Variants in KSR2 observed in about 807,000 individuals in gnomAD.
The protein encoded by KSR2 is kinase suppressor of ras 2.
A neutral mutation model predicts 107.8 loss-of-function variants in KSR2; 25 were observed. The observed-to-expected ratio is 0.23, with a 90% CI of 0.17 to 0.32. The LOEUF is 0.32. KSR2 is among the 10% of genes least tolerant of loss of function. The pLI is 1.00. For synonymous variants in KSR2, 480 were observed against 507.0 expected (o/e 0.95, Z 0.71); for missense variants, 887 against 1,268.9 (o/e 0.70, Z 4.57).
rs749908572 is a variant in KSR2, at chr12:117,968,197, G to C, written c.59C>G (p.Ala20Gly). ...EEQQPLSLQK[A>G]LQQCELVQNM... ...TTGGACCAGTTCGCACTGCTGTAAG[G>C]CTTTTTGCAAACTCAGAGGCTGCTG... Residue 20 changes from alanine (A) to glycine (G), a missense_variant, in exon 1 of 20, where the codon GCC becomes GGC. Coordinates refer to ENST00000339824, the MANE Select transcript of KSR2 (RefSeq NM_173598.6). The C allele has an allele frequency of 6.2e-7, 1 of 1,604,862 alleles. No homozygotes were observed.
At chr12:117,839,829 A>G (rs1482411125) in intron 3 of KSR2, among the ~76,000 whole-genome samples, 1 of 152,228 alleles carries the variant, frequency 6.6e-6, no homozygotes, top group African/African-American at 2.4e-5. Context: ...CTGGGAGGTC[A>G]GAGCATCCTG....
At chr12:117,527,739 C>A (rs1449274127) in intron 12 of KSR2, among the ~76,000 whole-genome samples, 1 of 152,120 alleles carries the variant, frequency 6.6e-6, no homozygotes, top group Non-Finnish European at 1.5e-5. Context: ...GGAACTAAAG[C>A]CAGTATGTAG....
rs150312418 is a variant in KSR2 at position 117,710,595 on chromosome 12, C to T, written c.987-42937G>A. Among the ~76,000 whole-genome samples, 30 of 152,184 alleles carry T rather than the reference C, an allele frequency of 2.0e-4. No individual in the cohort carries two copies. In the East Asian group the frequency reaches 3.7e-3, roughly 19 times the overall value. Reference sequence around the variant, plus strand: ...AAATCTGAGCTTCACCTCTGCCAGCCGTATGGGTGGGGTTTTGGGCATGCA... The same window carrying T: ...AAATCTGAGCTTCACCTCTGCCAGCTGTATGGGTGGGGTTTTGGGCATGCA... On this transcript the variant is annotated intron_variant, in intron 4 of 19. Transcript: ENST00000339824.
At chr12:117,941,550 G>C (rs982830760) in intron 1 of KSR2, among the ~76,000 whole-genome samples, 2 of 144,446 alleles carry the variant, frequency 1.4e-5, no homozygotes, top group African/African-American at 5.1e-5. Flanking sequence ...TTAAGTTTCA[G>C]ATTTATTTGA....
intron 1 of KSR2, among the ~76,000 whole-genome samples, chr12:117,950,848 T>G (rs1022394405): frequency 6.6e-6 from 1 of 151,668 alleles, no homozygotes. Context: ...TCTCCTGGTA[T>G]AAGCTATTAG....
intron 14 of KSR2, among the ~76,000 whole-genome samples, chr12:117,514,935 A>C: frequency 6.6e-6 from 1 of 151,438 alleles, no homozygotes. Flanking sequence ...GCTACCTCCT[A>C]CCTCTAAGCC....
intron 7 of KSR2, among the ~76,000 whole-genome samples, chr12:117,576,199 C>T (rs1486680183): frequency 1.3e-5 from 2 of 152,164 alleles, no homozygotes; most frequent in African/African-American, 4.8e-5. Flanking sequence ...CAGCTACATC[C>T]CTGTCATCTA....
intron 1 of KSR2, among the ~76,000 whole-genome samples, chr12:117,874,446 T>C (rs1422951058): frequency 6.6e-6 from 1 of 152,114 alleles, no homozygotes; most frequent in African/African-American, 2.4e-5. Context: ...TTGCCCAGGC[T>C]GGCCTCAAAC....
chr12:117,836,602 G>A (rs142223027), intron 3 of KSR2, among the ~76,000 whole-genome samples: 668 of 152,298 alleles, frequency 4.4e-3, no homozygotes, highest in Non-Finnish European at 6.7e-3. Flanking sequence ...CGTGGCCCAG[G>A]CAGGACTCAC....
intron 9 of KSR2, among the ~76,000 whole-genome samples, chr12:117,543,869 A>G (rs79213109): frequency 0.03 from 4,519 of 152,254 alleles, 222 homozygotes; most frequent in African/African-American, 0.1. Flanking sequence ...CCTTCTGGTG[A>G]TGGCCAGCAA....
chr12:117,521,868 C>T (rs143677156), intron 14 of KSR2, among the ~76,000 whole-genome samples: 23 of 152,264 alleles, frequency 1.5e-4, no homozygotes, highest in African/African-American at 5.3e-4. Context: ...TCAAACTGAA[C>T]GTGCAGATAA....
At chr12:117,555,132 C>CCCCACATG (rs1385589294) in intron 9 of KSR2, 37 bp downstream of exon 9, 1 of 1,612,854 alleles carries the variant, frequency 6.2e-7, no homozygotes, top group African/African-American at 1.3e-5. Context: ...GCAGTGCCAG[C>CCCCACATG]CCCACATGCC....
chr12:117,846,644 G>A (rs1469198323), intron 3 of KSR2, among the ~76,000 whole-genome samples: 2 of 152,134 alleles, frequency 1.3e-5, no homozygotes, highest in Non-Finnish European at 2.9e-5. Context: ...ACATATTCTA[G>A]AGCAGCACTG....
chr12:117,509,411 GAA>G (rs1201852626), intron 14 of KSR2, among the ~76,000 whole-genome samples: 1 of 152,154 alleles, frequency 6.6e-6, no homozygotes, highest in East Asian at 1.9e-4. Context: ...ACCAAGGCTG[GAA>G]AAGGGACCGA....
chr12:117,825,289 G>A (rs1490045046), intron 3 of KSR2, among the ~76,000 whole-genome samples: 1 of 152,148 alleles, frequency 6.6e-6, no homozygotes, highest in Non-Finnish European at 1.5e-5. Context: ...TGGGTCCGTG[G>A]ATGGGTGTGT....
intron 1 of KSR2, among the ~76,000 whole-genome samples, chr12:117,886,989 T>C (rs888361929): frequency 5.9e-5 from 9 of 152,300 alleles, no homozygotes; most frequent in South Asian, 2.1e-4. Context: ...AGTGGTGTGA[T>C]TATGGCTCGC....
chr12:117,924,084 G>A (rs1347555982), intron 1 of KSR2, among the ~76,000 whole-genome samples: 1 of 151,398 alleles, frequency 6.6e-6, no homozygotes, highest in Admixed American at 6.6e-5. Flanking sequence ...CTCCATGTTG[G>A]TCAGGCTGGT....
intron 3 of KSR2, among the ~76,000 whole-genome samples, chr12:117,839,850 C>A (rs1025928480): frequency 3.9e-5 from 6 of 152,184 alleles, no homozygotes; most frequent in African/African-American, 1.4e-4. Flanking sequence ...CCCCACCAGG[C>A]ATCAGCAGCA....
At chr12:117,469,310 C>T (rs1036846268) in intron 19 of KSR2, among the ~76,000 whole-genome samples, 2 of 152,096 alleles carry the variant, frequency 1.3e-5, no homozygotes, top group African/African-American at 4.8e-5. Flanking sequence ...AGCTGGGCCT[C>T]GTGGAGGGGT....
Sources: gnomAD v4.1 joint callset for allele counts (sites outside exome capture counted in the v4.1 genomes callset) on GRCh38, gnomAD v4.1.1 for gene constraint, MANE v1.5 for transcripts, NCBI Gene and HGNC (gene_info 2026-07-23, HGNC 2026-07-21) for gene names.